Variants in BMP2K observed in about 807,000 individuals in gnomAD.
The protein encoded by BMP2K is BMP-2-inducible protein kinase.
Under a neutral mutation model 116.0 loss-of-function variants are expected in BMP2K, and 74 were observed. The ratio of observed to expected loss-of-function variants is 0.64; its 90% CI spans 0.53 to 0.77. The LOEUF (loss-of-function observed/expected upper bound fraction) is 0.77, where lower values mean the gene tolerates loss of function less well. BMP2K is among the 30% of genes least tolerant of loss of function. The pLI is 0.00. For missense variants in BMP2K, 1,365 were observed against 1,403.6 expected, an observed-to-expected ratio of 0.97 and a Z score of 0.44; for synonymous variants, 486 against 502.5, an observed-to-expected ratio of 0.97 and a Z score of 0.44.
At position 78,883,575 on chromosome 4, in the gene BMP2K, A is replaced by G. The variant is rs1446807703; in HGVS notation, c.1952-3599A>G. ...CATATTTTTACTTATAGGGACCCCT[A>G]CATAAAAATAAGTTCCCCTCTACAT... On this transcript the variant is annotated intron_variant, in intron 14 of 15. Coordinates refer to ENST00000502613, the MANE Select transcript of BMP2K (RefSeq NM_198892.2). Among the ~76,000 whole-genome samples the G allele has an allele frequency of 3.3e-5, 5 of 152,214 alleles. No individual in the cohort carries two copies. In the East Asian group the frequency reaches 9.6e-4, roughly 29 times the overall value.
intron 15 of BMP2K, among the ~76,000 whole-genome samples, chr4:78,907,652 T>A (rs1734354495): frequency 6.6e-6 from 1 of 152,220 alleles, no homozygotes; most frequent in Non-Finnish European, 1.5e-5. Context: ...TAGATTCTTT[T>A]GTGTAGGACT....
In BMP2K at chr4:78,801,344, CTGTGTGTGTGTGTGTGTG is replaced by C. The variant is rs112302359; in HGVS notation, c.178+24645_179-24654del. Among the ~76,000 whole-genome samples, 9 of 143,298 alleles carry C rather than the reference CTGTGTGTGTGTGTGTGTG, an allele frequency of 6.3e-5. 1 individual carries two copies. Among genetic ancestry groups the C allele is most frequent in the African/African-American group, 2.0e-4 (8 of 39,564 alleles). The allele number at this position is 143,298 out of a possible 152,430, so 94.0% of individuals were successfully genotyped here. ...TTTATTGCCTGGATGGTTGAAGTAG[CTGTGTGTGTGTGTGTGTG>C]TGTGTGTGTGTGTGTGTGTGTCATA... On this transcript the variant is annotated intron_variant, in intron 1 of 15. Coordinates refer to ENST00000502613, the MANE Select transcript of BMP2K (RefSeq NM_198892.2).
chr4:78,873,652 C>T (rs938480365), intron 13 of BMP2K, among the ~76,000 whole-genome samples: 3 of 146,796 alleles, frequency 2.0e-5, no homozygotes, highest in Non-Finnish European at 3.0e-5. Context: ...GAATGCCTCC[C>T]AACCTCTGTG....
At chr4:78,784,628 C>G (rs1271642325) in intron 1 of BMP2K, among the ~76,000 whole-genome samples, 1 of 152,278 alleles carries the variant, frequency 6.6e-6, no homozygotes, top group East Asian at 1.9e-4. Flanking sequence ...TTTGGTTTAT[C>G]CTAGTCTTGT....
chr4:78,897,496 T>C (rs61229033), intron 15 of BMP2K, among the ~76,000 whole-genome samples: 1,835 of 152,248 alleles, frequency 0.012, 37 homozygotes, highest in African/African-American at 0.04. Context: ...TTGAATAATA[T>C]AGGAAAAACA....
At chr4:78,872,221 T>A (rs1161554305) in intron 12 of BMP2K, 3 of 320,244 alleles carry the variant, frequency 9.4e-6, no homozygotes, top group East Asian at 5.6e-5. Flanking sequence ...TCGTCACATG[T>A]CTCTTTCATT....
At chr4:78,792,983 A>C (rs2109937187) in intron 1 of BMP2K, among the ~76,000 whole-genome samples, 1 of 152,334 alleles carries the variant, frequency 6.6e-6, no homozygotes, top group East Asian at 1.9e-4. Flanking sequence ...CATATCATAT[A>C]GATTTACTGT....
chr4:78,826,649 C>G (rs1424284274), intron 2 of BMP2K, among the ~76,000 whole-genome samples: 2 of 152,138 alleles, frequency 1.3e-5, no homozygotes, highest in Non-Finnish European at 2.9e-5. Context: ...CTAGGACCCA[C>G]TACGGATACT....
intron 13 of BMP2K, among the ~76,000 whole-genome samples, chr4:78,876,471 T>C (rs889283385): frequency 3.9e-5 from 6 of 152,252 alleles, no homozygotes; most frequent in African/African-American, 1.2e-4. Flanking sequence ...TCCTCTGTTA[T>C]ATGCTAGCCT....
intron 9 of BMP2K, among the ~76,000 whole-genome samples, chr4:78,862,055 A>G (rs1377847146): frequency 1.3e-5 from 2 of 152,030 alleles, no homozygotes; most frequent in African/African-American, 4.8e-5. Flanking sequence ...TTTAAAAGTT[A>G]ATAAGCAGGA....
At position 78,836,372 on chromosome 4, in the gene BMP2K, G is replaced by A. The variant is rs369990715; in HGVS notation, c.403+2685G>A. The stretch of plus-strand genomic sequence containing the variant: ...GTGGAGGTTGCAGTGAGCCAAGATC[G>A]CTCCACTGCACTCCAGCCTGGGCAA... On this transcript the variant is annotated intron_variant, in intron 3 of 15. Coordinates refer to ENST00000502613, the MANE Select transcript of BMP2K (RefSeq NM_198892.2). Among the ~76,000 whole-genome samples the A allele has an allele frequency of 1.7e-4, 25 of 151,448 alleles. No homozygotes were observed. The South Asian group carries it at 1.9e-3, about 11-fold the overall frequency.
chr4:78,802,140 A>G (rs1319666902), intron 1 of BMP2K, among the ~76,000 whole-genome samples: 3 of 152,180 alleles, frequency 2.0e-5, no homozygotes, highest in Non-Finnish European at 4.4e-5. Flanking sequence ...TGAAGGTGTC[A>G]TTTCACTGCC....
intron 7 of BMP2K, among the ~76,000 whole-genome samples, chr4:78,854,647 G>A (rs1190906327): frequency 6.6e-6 from 1 of 152,060 alleles, no homozygotes; most frequent in Non-Finnish European, 1.5e-5. Flanking sequence ...ATCCTCCTGA[G>A]TAACTGGTAC....
chr4:78,849,800 A>G (rs1731165444), intron 6 of BMP2K, among the ~76,000 whole-genome samples: 2 of 151,686 alleles, frequency 1.3e-5, no homozygotes, highest in Admixed American at 6.6e-5. Context: ...GAGCTTTTGA[A>G]CTGTTTTCAT....
chr4:78,856,074 T>C (rs1312674033), intron 7 of BMP2K, among the ~76,000 whole-genome samples: 1 of 152,190 alleles, frequency 6.6e-6, no homozygotes, highest in Admixed American at 6.6e-5. Context: ...ATAGATGATA[T>C]GGTTTTATTG....
At chr4:78,893,363 C>T (rs1011004144) in intron 15 of BMP2K, among the ~76,000 whole-genome samples, 3 of 152,290 alleles carry the variant, frequency 2.0e-5, no homozygotes, top group Non-Finnish European at 2.9e-5. Context: ...AAATCTTAAA[C>T]CCTTCAAAAT....
rs1309105404 is a variant in BMP2K, at chr4:78,913,398, G to C, written c.*1365G>C. ...GTTTTATAGAAATCATTTAATGATA[G>C]AGATTACATATGTGAATTAATGTGA... On this transcript the variant is annotated 3_prime_UTR_variant, in exon 16 of 16. Transcript: ENST00000502613. 1 of 152,160 alleles carries C rather than the reference G, an allele frequency of 6.6e-6. No individual in the cohort carries two copies. Among genetic ancestry groups the C allele is most frequent in the Non-Finnish European group, 1.5e-5 (1 of 67,992 alleles). 9.4% of individuals were successfully genotyped at this position (152,160 alleles called of 1,614,324 possible).
At chr4:78,829,918 TTGGCTCACTGCAACCTTGGCCTCC>T (rs1240299068) in intron 2 of BMP2K, among the ~76,000 whole-genome samples, 5 of 151,788 alleles carry the variant, frequency 3.3e-5, no homozygotes, top group African/African-American at 7.3e-5. Context: ...TGGTGTGATC[TTGGCTCACTGCAACCTTGGCCTCC>T]TGGCTCACTG....
intron 14 of BMP2K, 116 bp from the exon 15 acceptor site, chr4:78,887,058 T>C: frequency 1.5e-6 from 1 of 677,952 alleles, no homozygotes; most frequent in East Asian, 2.7e-5. Context: ...ACCTAATGTT[T>C]TGCAAAAAGG....
Sources: allele counts gnomAD v4.1 joint callset (sites outside exome capture counted in the v4.1 genomes callset), GRCh38; gene constraint gnomAD v4.1.1; transcripts MANE v1.5; gene names NCBI Gene and HGNC (gene_info 2026-07-23, HGNC 2026-07-21).